The following SYCP1 variants were observed in gnomAD, a reference collection of about 807,000 sequenced individuals.
SYCP1 encodes the protein cancer/testis antigen 8.
In SYCP1, 64 loss-of-function variants were observed where a neutral mutation model predicts 153.1. The observed-to-expected ratio is 0.42, with a 90% CI of 0.34 to 0.51. SYCP1 has a LOEUF of 0.51. Ranked by LOEUF, SYCP1 falls within the 20% of genes least tolerant of loss-of-function variation. The probability of loss-of-function intolerance (pLI) is 0.06; values close to 1 mark genes in which losing one functional copy is unlikely to be tolerated. For synonymous variants in SYCP1, 384 were observed against 341.8 expected, an observed-to-expected ratio of 1.12 and a Z score of -1.36; for missense variants, 997 against 1,049.0, an observed-to-expected ratio of 0.95 and a Z score of 0.68.
At chr1:114,977,945 T>A (rs574541363) in intron 28 of SYCP1, among the ~76,000 whole-genome samples, 1 of 151,676 alleles carries the variant, frequency 6.6e-6, no homozygotes. Context: ...AATTTTTTAA[T>A]GTTAGAGGCA....
intron 16 of SYCP1, among the ~76,000 whole-genome samples, chr1:114,901,365 T>G (rs1667436384): frequency 6.6e-6 from 1 of 152,214 alleles, no homozygotes; most frequent in South Asian, 2.1e-4. Context: ...TGAGTACTCC[T>G]TAAGAAAATC....
intron 27 of SYCP1, among the ~76,000 whole-genome samples, chr1:114,973,042 G>A (rs1187934133): frequency 1.3e-5 from 2 of 152,182 alleles, no homozygotes; most frequent in East Asian, 1.9e-4. Flanking sequence ...AGGATAAGCC[G>A]TGGTTATTTA....
At chr1:114,937,547 G>C (rs879665242) in intron 23 of SYCP1, among the ~76,000 whole-genome samples, 1 of 152,072 alleles carries the variant, frequency 6.6e-6, no homozygotes, top group Non-Finnish European at 1.5e-5. Context: ...TGACAAATGG[G>C]ATCTAATTAA....
intron 27 of SYCP1, among the ~76,000 whole-genome samples, chr1:114,964,243 G>T (rs1054229168): frequency 6.6e-6 from 1 of 152,028 alleles, no homozygotes; most frequent in Non-Finnish European, 1.5e-5. Flanking sequence ...TTGTAAATTT[G>T]TTTAAGTTCC....
intron 7 of SYCP1, among the ~76,000 whole-genome samples, chr1:114,860,137 A>G (rs1317571258): frequency 6.6e-6 from 1 of 152,174 alleles, no homozygotes; most frequent in Non-Finnish European, 1.5e-5. Flanking sequence ...TACAGTACTT[A>G]TAAAACAGGA....
chr1:114,981,101 A>G (rs941257740), intron 28 of SYCP1, among the ~76,000 whole-genome samples: 7 of 151,940 alleles, frequency 4.6e-5, no homozygotes, highest in African/African-American at 7.2e-5. Flanking sequence ...ATTTGTTTTC[A>G]TAGAGGCTCT....
intron 23 of SYCP1, among the ~76,000 whole-genome samples, chr1:114,939,819 A>G (rs369333619): frequency 1.2e-4 from 18 of 152,326 alleles, no homozygotes; most frequent in African/African-American, 4.3e-4. Context: ...GACGAAAGCT[A>G]CTGGGCCTAG....
chr1:114,992,560 A>G, intron 30 of SYCP1, among the ~76,000 whole-genome samples: 1 of 151,626 alleles, frequency 6.6e-6, no homozygotes, highest in South Asian at 2.1e-4. Context: ...CATTTTTTTC[A>G]ACATATGGTG....
chr1:114,937,173 C>T (rs987650026), intron 23 of SYCP1, among the ~76,000 whole-genome samples: 2 of 152,188 alleles, frequency 1.3e-5, no homozygotes, highest in African/African-American at 4.8e-5. Context: ...ACCAAAACAG[C>T]ATGGTACTTG....
intron 20 of SYCP1, among the ~76,000 whole-genome samples, chr1:114,914,651 G>C (rs370877686): frequency 1.3e-5 from 2 of 152,136 alleles, no homozygotes; most frequent in Admixed American, 6.6e-5. Context: ...GCATGCTAGC[G>C]CTTGGCTCTC....
intron 27 of SYCP1, among the ~76,000 whole-genome samples, chr1:114,962,904 A>T (rs977279029): frequency 4.6e-5 from 7 of 152,168 alleles, no homozygotes; most frequent in African/African-American, 1.7e-4. Context: ...TCTGAAAAAG[A>T]CTTTATCTTT....
At chr1:114,900,933 A>T (rs1667402677) in intron 16 of SYCP1, among the ~76,000 whole-genome samples, 1 of 152,228 alleles carries the variant, frequency 6.6e-6, no homozygotes, top group Non-Finnish European at 1.5e-5. Flanking sequence ...TTTTACCAAT[A>T]ATCTTTAAGT....
At chr1:114,991,207 AT>A (rs1457184025) in intron 30 of SYCP1, among the ~76,000 whole-genome samples, 1 of 151,964 alleles carries the variant, frequency 6.6e-6, no homozygotes, top group African/African-American at 2.4e-5. Flanking sequence ...CAGAATAAAA[AT>A]TTGACATATA....
At chr1:114,984,078 TA>T (rs1180279596) in intron 29 of SYCP1, among the ~76,000 whole-genome samples, 2 of 151,988 alleles carry the variant, frequency 1.3e-5, no homozygotes, top group South Asian at 2.1e-4. Flanking sequence ...TTTTTTTAAT[TA>T]AAAAAAATTT....
At chr1:114,979,148 T>G (rs1417815240) in intron 28 of SYCP1, among the ~76,000 whole-genome samples, 1 of 151,142 alleles carries the variant, frequency 6.6e-6, no homozygotes, top group Non-Finnish European at 1.5e-5. Flanking sequence ...TTTTTTTTTT[T>G]GCTGTGCTTT....
chr1:114,932,673 G>T (rs1250871734), intron 23 of SYCP1, among the ~76,000 whole-genome samples: 1 of 152,118 alleles, frequency 6.6e-6, no homozygotes, highest in Non-Finnish European at 1.5e-5. Context: ...CGTGACTGAT[G>T]GTACCAGGAA....
At chr1:114,897,883 G>A (rs1667171497) in intron 16 of SYCP1, among the ~76,000 whole-genome samples, 1 of 152,156 alleles carries the variant, frequency 6.6e-6, no homozygotes, top group Admixed American at 6.5e-5. Context: ...ACCACCCATT[G>A]GTGTTTTAGT....
At chr1:114,957,533 A>G (rs1167325930) in intron 27 of SYCP1, among the ~76,000 whole-genome samples, 1 of 152,224 alleles carries the variant, frequency 6.6e-6, no homozygotes, top group Admixed American at 6.5e-5. Context: ...CATGTTTGGA[A>G]ACTATCCATC....
chr1:114,993,560 T>G (rs1370487151), intron 30 of SYCP1, among the ~76,000 whole-genome samples: 1 of 151,506 alleles, frequency 6.6e-6, no homozygotes, highest in Non-Finnish European at 1.5e-5. Flanking sequence ...ATGGTATACC[T>G]ACTTTATAAA....
Sources: gnomAD v4.1 joint callset for allele counts (sites outside exome capture counted in the v4.1 genomes callset) on GRCh38, gnomAD v4.1.1 for gene constraint, MANE v1.5 for transcripts, NCBI Gene and HGNC (gene_info 2026-07-23, HGNC 2026-07-21) for gene names.